CDAN1: variants seen among roughly 807,000 people sequenced by gnomAD.
CDAN1 encodes the protein codanin 1, also known as codanin-1.
A neutral mutation model predicts 139.8 loss-of-function variants in CDAN1; 107 were observed. The observed-to-expected ratio is 0.77, with a 90% CI of 0.65 to 0.90. The LOEUF is 0.90. Ranked by LOEUF, CDAN1 falls within the 40% of genes least tolerant of loss-of-function variation. CDAN1 has a pLI of 0.00. For synonymous variants in CDAN1, 776 were observed against 660.6 expected, an observed-to-expected ratio of 1.17 and a Z score of -2.68; for missense variants, 1,667 against 1,575.7, an observed-to-expected ratio of 1.06 and a Z score of -0.98.
rs1362535266 is a variant in CDAN1, at chr15:42,729,593, C to T, written c.2382G>A (p.Leu794=). The part of the protein sequence containing the change: ...LDNAPVVDQQ[L]LYTCCPYIGE... ...CGATGTAGGGGCAGCAGGTGTAGAG[C>T]AGCTGCTGGTCCACCACAGGCGCAT... Residue 794 remains leucine, a synonymous_variant, in exon 17 of 28, where the codon CTG becomes CTA. Coordinates refer to ENST00000356231, the MANE Select transcript of CDAN1 (RefSeq NM_138477.4). The T allele has an allele frequency of 1.2e-6, 2 of 1,614,024 alleles. No individual in the cohort carries two copies. The highest frequency in any genetic ancestry group is 1.7e-6 in the Non-Finnish European group (2 of 1,180,032).
intron 23 of CDAN1, 41 bp downstream of exon 23, chr15:42,727,580 G>T (rs1030736553): frequency 9.4e-6 from 14 of 1,491,632 alleles, no homozygotes; most frequent in South Asian, 2.6e-5. Context: ...GAGCAGGGGG[G>T]TGGGAGCAGG....
intron 8 of CDAN1, among the ~76,000 whole-genome samples, chr15:42,733,434 G>A (rs777081342): frequency 3.3e-5 from 5 of 152,044 alleles, no homozygotes; most frequent in Admixed American, 6.6e-5. Context: ...CCACCACCAC[G>A]CCTGGCTAAT....
At position 42,730,906 on chromosome 15, in the gene CDAN1, G is replaced by C; in HGVS notation, c.2007+19C>G. The C allele has an allele frequency of 1.2e-6, 2 of 1,614,130 alleles. No homozygotes were observed. The highest frequency in any genetic ancestry group is 1.7e-6 in the Non-Finnish European group (2 of 1,180,026). On this transcript the variant is annotated intron_variant, in intron 13 of 27. Transcript: ENST00000356231. ...GGTCCTCCCTGCTCCCTCCTCACCA[G>C]AATCCCCCGCCCATTCACCTGGCTC...
At chr15:42,725,406 T>C in intron 26 of CDAN1, 83 bp downstream of exon 26, 3 of 1,554,374 alleles carry the variant, frequency 1.9e-6, no homozygotes, top group Non-Finnish European at 2.7e-6. Flanking sequence ...AAATAAAGGA[T>C]GCAGAGCAGC....
At position 42,726,355 on chromosome 15, in the gene CDAN1, C is replaced by G; in HGVS notation, c.3159G>C (p.Leu1053=). Residue 1053 remains leucine, a synonymous_variant, in exon 24 of 28, where the codon CTG becomes CTC. Transcript: ENST00000356231. ...DPDEGVSPEH[L]EQLLGQLGQT... is the part of the protein sequence containing the mutation. ...GGCCCAGCTGGCCTAGGAGCTGTTC[C>G]AGATGCTCTGGGGAGACTCCCTCGT... 6.3e-7 allele frequency: 1 copy of G among 1,597,716 alleles called. No individual in the cohort carries two copies. Among genetic ancestry groups the G allele is most frequent in the Non-Finnish European group, 8.5e-7 (1 of 1,172,372 alleles).
chr15:42,726,047 G>A, intron 25 of CDAN1, 50 bp downstream of exon 25: 1 of 1,462,190 alleles, frequency 6.8e-7, no homozygotes, highest in South Asian at 1.1e-5. Context: ...ACCCAACCCT[G>A]AGATTTGGGG....
chr15:42,731,009 G>A lies in CDAN1; in HGVS notation c.1923C>T (p.Gly641=). 6.2e-7 allele frequency: 1 copy of A among 1,614,156 alleles called. No individual in the cohort carries two copies. Among genetic ancestry groups the A allele is most frequent in the South Asian group, 1.1e-5 (1 of 91,084 alleles). ...LSLRLLAKFL[G]FVAFLPYRGP... is the part of the protein sequence containing the mutation. The stretch of plus-strand genomic sequence containing the variant: ...CCCGGTATGGCAGGAAAGCCACAAA[G>A]CCCAGGAATTTAGCCAAAAGTCTCA... Residue 641 remains glycine, a synonymous_variant, in exon 13 of 28, where the codon GGC becomes GGT. Coordinates refer to ENST00000356231, the MANE Select transcript of CDAN1 (RefSeq NM_138477.4).
In CDAN1 at chr15:42,725,171, G is replaced by A. The variant is rs777855622; in HGVS notation, c.3531C>T (p.Gly1177=). Reference sequence around the variant, plus strand: ...CTGGCCACTGGGCCTGGTGGAGGCTGCCCAGGCAGGCCTCTATCTCCATCC... The same window carrying A: ...CTGGCCACTGGGCCTGGTGGAGGCTACCCAGGCAGGCCTCTATCTCCATCC... ...MGRMEIEACL[G]SLHQAQWPGD... Residue 1177 remains glycine, a synonymous_variant, in exon 27 of 28, where the codon GGC becomes GGT. Transcript: ENST00000356231. 3.1e-6 allele frequency: 5 copies of A among 1,614,016 alleles called. No individual in the cohort carries two copies. In the South Asian group the frequency reaches 5.5e-5, roughly 18 times the overall value.
At position 42,736,486 on chromosome 15, in the gene CDAN1, G is replaced by T. The variant is rs971270826; in HGVS notation, c.385C>A (p.Arg129Ser). The change falls in exon 2 of 28, where the codon CGC becomes AGC. Residue 129 changes from arginine to serine, a missense_variant. Arg to Ser is a moderately radical substitution (Grantham distance 110). This residue lies in a region of CDAN1 where 487 missense variants were observed against 422.2 expected (regional missense o/e 1.15). Coordinates refer to ENST00000356231, the MANE Select transcript of CDAN1 (RefSeq NM_138477.4). ...TCCAGGCCGCGGCCTCCACGCTCGCGGGCCGGCCCCGGGCCCCGCCTCCTG... is the reference window on the plus strand; with the variant it reads ...TCCAGGCCGCGGCCTCCACGCTCGCTGGCCGGCCCCGGGCCCCGCCTCCTG... ...GGRRRGPGPA[R>S]ERGGRGLEEG... 87 of 1,448,064 alleles carry T rather than the reference G, an allele frequency of 6.0e-5. No individual in the cohort carries two copies. Among genetic ancestry groups the T allele is most frequent in the Non-Finnish European group, 7.8e-5 (86 of 1,108,020 alleles). The allele number at this position is 1,448,064 out of a possible 1,614,324, so 89.7% of individuals were successfully genotyped here. A position where few individuals can be genotyped will look rare whatever the true frequency, so the allele number is the denominator to read the frequency against.
At position 42,734,758 on chromosome 15, in the gene CDAN1, G is replaced by A. The variant is rs116202354; in HGVS notation, c.1136+342C>T. ...GCCTCCTAAGTAGCTGGGATTATAG[G>A]CGCACTCCCCCACACCCGGCCTTTT... On this transcript the variant is annotated intron_variant, in intron 6 of 27. Coordinates refer to ENST00000356231, the MANE Select transcript of CDAN1 (RefSeq NM_138477.4). Among the ~76,000 whole-genome samples the A allele has an allele frequency of 8.8e-3, 1,319 of 149,758 alleles. 20 individuals carry two copies. Among genetic ancestry groups the A allele is most frequent in the African/African-American group, 0.031 (1,251 of 40,392 alleles).
rs756470215 is a variant in CDAN1 at position 42,731,271 on chromosome 15, A to G, written c.1800T>C (p.Gly600=). The G allele has an allele frequency of 6.8e-6, 11 of 1,614,116 alleles. No homozygotes were observed. In the South Asian group the frequency reaches 8.8e-5, roughly 13 times the overall value. The part of the protein sequence containing the change: ...SLSLKIQELN[G]LALPQHEPND... ...TGGGCTCATGCTGGGGCAGGGCAAGACCATTGAGCTCCTGGATCTTCAAGC... is the reference window on the plus strand; with the variant it reads ...TGGGCTCATGCTGGGGCAGGGCAAGGCCATTGAGCTCCTGGATCTTCAAGC... Residue 600 remains glycine (G), a synonymous_variant, in exon 12 of 28, where the codon GGT becomes GGC. Transcript: ENST00000356231.
chr15:42,735,347 T>C lies in CDAN1; in HGVS notation c.971A>G (p.Glu324Gly). The change falls in exon 5 of 28, where the codon GAG (glutamate) becomes GGG (glycine). Residue 324 changes from glutamate (E) to glycine (G), a missense_variant. Glu to Gly is a moderately conservative substitution (Grantham distance 98, BLOSUM62 -2). This residue lies in a region of CDAN1 where 244 missense variants were observed against 309.4 expected (regional missense o/e 0.79). Transcript: ENST00000356231. Reference sequence around the variant, plus strand: ...GAGGAGCTGAAAGACGAAGAAAAGCTCCAAGAAGAGGTTTGGTACCAGGTT... The same window carrying C: ...GAGGAGCTGAAAGACGAAGAAAAGCCCCAAGAAGAGGTTTGGTACCAGGTT... ...AENLVPNLFL[E>G]LFFVFQLLTA... 1 of 1,608,504 alleles carries C rather than the reference T, an allele frequency of 6.2e-7. No individual in the cohort carries two copies.
At chr15:42,730,789 GGGGCAGGTCCCTAGGAA>G (rs2061601077) in intron 13 of CDAN1, 25 bp from the exon 14 acceptor site, 1 of 1,612,482 alleles carries the variant, frequency 6.2e-7, no homozygotes, top group Non-Finnish European at 8.5e-7. Context: ...GCTCAGTCAG[GGGGCAGGTCCCTAGGAA>G]GGGCTGGGAG....
At chr15:42,731,177 A>G in intron 12 of CDAN1, 34 bp downstream of exon 12, 1 of 1,614,228 alleles carries the variant, frequency 6.2e-7, no homozygotes, top group Non-Finnish European at 8.5e-7. Context: ...CTCCTGGGTC[A>G]GACCCCATTA....
rs1336651679 is a variant in CDAN1 at position 42,734,244 on chromosome 15, A to T, written c.1239T>A (p.Tyr413Ter). The T allele has an allele frequency of 6.2e-7, 1 of 1,614,120 alleles. No individual in the cohort carries two copies. Among genetic ancestry groups the T allele is most frequent in the Non-Finnish European group, 8.5e-7 (1 of 1,180,030 alleles). Reference protein sequence around the residue: ...PALQGRLRAAYEGSVAKVSLV... With the variant: ...PALQGRLRAA ...TTACTACCTTGGCAACACTGCCCTC[A>T]TAGGCAGCTCGAAGGCGGCCTTGCA... Residue 413 changes from tyrosine (Y) to a stop codon, truncating the protein, a stop_gained, in exon 7 of 28, where the codon TAT becomes TAA. Coordinates refer to ENST00000356231, the MANE Select transcript of CDAN1 (RefSeq NM_138477.4). LOFTEE classifies it high-confidence loss of function.
At chr15:42,728,514 C>A in intron 20 of CDAN1, 138 bp downstream of exon 20, 2 of 1,290,782 alleles carry the variant, frequency 1.5e-6, no homozygotes, top group Non-Finnish European at 2.2e-6. Flanking sequence ...CAGTGCAGGG[C>A]TTATAGAGAA....
intron 10 of CDAN1, 84 bp downstream of exon 10, chr15:42,732,249 G>A (rs2061623602): frequency 1.6e-6 from 2 of 1,280,540 alleles, no homozygotes; most frequent in Non-Finnish European, 2.3e-6. Flanking sequence ...CAGGCTGTCT[G>A]CCCTATCCCA....
At position 42,728,198 on chromosome 15, in the gene CDAN1, ACGTACGGCTGC is replaced by A. The variant is rs1310213905; in HGVS notation, c.2863_2868+5del. ...CCTGCTAGCTGCAGGCCTCCCTCAC[ACGTACGGCTGC>A]CGGGGTCTCCTCTGGAAGCAGCGCC... On this transcript the variant is annotated splice_donor_variant and splice_donor_5th_base_variant and coding_sequence_variant and intron_variant, in exon 21 of 28. Transcript: ENST00000356231. LOFTEE classifies it high-confidence loss of function. 1 of 1,613,044 alleles carries A rather than the reference ACGTACGGCTGC, an allele frequency of 6.2e-7. No homozygotes were observed. Among genetic ancestry groups the A allele is most frequent in the African/African-American group, 1.3e-5 (1 of 74,838 alleles).
intron 26 of CDAN1, 113 bp from the exon 27 acceptor site, chr15:42,725,364 TGGAGC>T: frequency 6.8e-7 from 1 of 1,471,166 alleles, no homozygotes; most frequent in South Asian, 1.1e-5. Flanking sequence ...GATGGATAAA[TGGAGC>T]CCATTTCTGT....
Sources: gnomAD v4.1 joint callset for allele counts (sites outside exome capture counted in the v4.1 genomes callset) on GRCh38, gnomAD v4.1.1 for gene constraint, gnomAD v4.1.1 regional missense constraint, MANE v1.5 for transcripts, NCBI Gene and HGNC (gene_info 2026-07-23, HGNC 2026-07-21) for gene names.